The following CDK1 variants were observed in gnomAD, a reference collection of about 807,000 sequenced individuals.
CDK1 encodes cyclin-dependent kinase 1.
Under a neutral mutation model 34.6 loss-of-function variants are expected in CDK1, and 5 were observed. The observed-to-expected ratio is 0.14, with a 90% confidence interval of 0.08 to 0.30. The LOEUF (loss-of-function observed/expected upper bound fraction) is 0.30. Ranked by LOEUF, CDK1 falls within the 10% of genes least tolerant of loss-of-function variation. CDK1 has a pLI of 1.00. For missense variants in CDK1, 157 were observed against 345.7 expected (o/e 0.45, Z 4.33); for synonymous variants, 108 against 114.7 (o/e 0.94, Z 0.37).
chr10:60,784,665 G>T (rs1206782278), intron 2 of CDK1, 40 bp from the exon 3 acceptor site: 1 of 1,491,688 alleles, frequency 6.7e-7, no homozygotes, highest in African/African-American at 1.4e-5. Context: ...TCTTTAGTTT[G>T]TGGGGTGTGT....
intron 4 of CDK1, chr10:60,787,042 G>A (rs1360880050): frequency 8.3e-5 from 82 of 984,070 alleles, no homozygotes; most frequent in Non-Finnish European, 9.5e-5. Flanking sequence ...TTAAAAACTG[G>A]GATACAGATT....
At chr10:60,782,014 A>G (rs1254276704) in intron 2 of CDK1, among the ~76,000 whole-genome samples, 1 of 152,162 alleles carries the variant, frequency 6.6e-6, no homozygotes, top group Admixed American at 6.5e-5. Context: ...TGTGCTGGAT[A>G]TTGTTTTGGA....
At chr10:60,790,203 T>G (rs2132073661) in intron 5 of CDK1, among the ~76,000 whole-genome samples, 1 of 152,320 alleles carries the variant, frequency 6.6e-6, no homozygotes, top group East Asian at 1.9e-4. Context: ...ATTCTGTTTC[T>G]TTTGCTGTGC....
intron 2 of CDK1, among the ~76,000 whole-genome samples, chr10:60,781,774 A>G (rs953335087): frequency 6.6e-6 from 1 of 152,116 alleles, no homozygotes; most frequent in Admixed American, 6.5e-5. Context: ...CTCTAGTCCA[A>G]GAGCATTTTG....
chr10:60,786,644 C>A (rs934854609), intron 4 of CDK1: 4 of 168,146 alleles, frequency 2.4e-5, no homozygotes, highest in Non-Finnish European at 3.6e-5. Context: ...GCCGGTTGCC[C>A]CCTAAAAAAC....
intron 7 of CDK1, 125 bp downstream of exon 7, chr10:60,792,414 T>G (rs576730722): frequency 8.7e-5 from 63 of 724,640 alleles, no homozygotes; most frequent in Non-Finnish European, 1.3e-4. Flanking sequence ...TTATGTACAT[T>G]GTATTATACT....
chr10:60,789,738 A>G (rs1343431406), intron 5 of CDK1, among the ~76,000 whole-genome samples: 1 of 152,128 alleles, frequency 6.6e-6, no homozygotes, highest in Non-Finnish European at 1.5e-5. Flanking sequence ...GACATAATTG[A>G]TTTTATTTAT....
intron 2 of CDK1, among the ~76,000 whole-genome samples, chr10:60,781,032 G>T (rs900854449): frequency 8.6e-5 from 13 of 150,400 alleles, no homozygotes; most frequent in Admixed American, 8.0e-4. Context: ...GATTGGAGGT[G>T]TGTGTGTGTA....
chr10:60,781,068 T>A (rs928190882), intron 2 of CDK1, among the ~76,000 whole-genome samples: 11 of 140,012 alleles, frequency 7.9e-5, no homozygotes, highest in African/African-American at 1.3e-4. Context: ...ATTTTTTTTT[T>A]AAATCACTTA....
intron 7 of CDK1, among the ~76,000 whole-genome samples, chr10:60,793,385 A>T (rs965474528): frequency 5.9e-5 from 9 of 152,032 alleles, no homozygotes; most frequent in Non-Finnish European, 1.0e-4. Flanking sequence ...CTAACATACT[A>T]AGTTGTGTGA....
rs189255717 is a variant in CDK1 at position 60,792,042 on chromosome 10, C to T, written c.642C>T (p.Phe214=). 3.1e-4 allele frequency: 496 copies of T among 1,600,236 alleles called. 7 individuals are homozygous for T. The Admixed American group carries it at 8.2e-3, about 27-fold the overall frequency. The change falls in exon 6 of 8, where the codon TTC becomes TTT. Residue 214 remains phenylalanine (F), a synonymous_variant. Coordinates refer to ENST00000395284, the MANE Select transcript of CDK1 (RefSeq NM_001786.5). ...GGGATTCAGAAATTGATCAACTCTT[C>T]AGGATTTTCAGGTAGCTATTAAAAA... The part of the protein sequence containing the change: ...FHGDSEIDQL[F]RIFRALGTPN...
At chr10:60,779,433 T>C (rs3213025) in intron 1 of CDK1, among the ~76,000 whole-genome samples, 16,700 of 152,188 alleles carry the variant, frequency 0.11, 1,230 homozygotes, top group Non-Finnish European at 0.16. Flanking sequence ...ACCGTTTTTC[T>C]GCTTAGTCCT....
chr10:60,789,158 TGG>T (rs1159143313), intron 5 of CDK1, among the ~76,000 whole-genome samples: 10 of 152,202 alleles, frequency 6.6e-5, no homozygotes, highest in Admixed American at 5.2e-4. Flanking sequence ...GTGTGGTATT[TGG>T]ATACATGTAT....
In CDK1 at chr10:60,785,758, G is replaced by T; in HGVS notation, c.289G>T (p.Gly97Cys). The T allele has an allele frequency of 1.2e-6, 2 of 1,604,502 alleles. No homozygotes were observed. Among genetic ancestry groups the T allele is most frequent in the African/African-American group, 1.3e-5 (1 of 74,768 alleles). Residue 97 changes from glycine (G) to cysteine (C), a missense_variant, in exon 4 of 8, where the codon GGT (glycine) becomes TGT (cysteine). Physicochemically the swap from Gly to Cys is radical, Grantham distance 159. Transcript: ENST00000395284. ...GAAATACTTGGATTCTATCCCTCCT[G>T]GTCAGTACATGGATTCTTCACTTGT... ...LKKYLDSIPP[G>C]QYMDSSLVKS...
chr10:60,788,690 T>A (rs1402176432), intron 5 of CDK1, among the ~76,000 whole-genome samples: 7 of 152,116 alleles, frequency 4.6e-5, no homozygotes, highest in Non-Finnish European at 1.0e-4. Flanking sequence ...TTATTTCTGA[T>A]ACATTTAGGA....
At chr10:60,791,366 AC>A (rs2080358576) in intron 5 of CDK1, among the ~76,000 whole-genome samples, 1 of 152,056 alleles carries the variant, frequency 6.6e-6, no homozygotes, top group African/African-American at 2.4e-5. Flanking sequence ...GATTTTGTAT[AC>A]TGCAACTTTG....
rs149161475 is a variant in CDK1, at chr10:60,788,324, A to C, written c.489+94A>C. 396 of 911,536 alleles carry C rather than the reference A, an allele frequency of 4.3e-4. 1 individual carries two copies. The African/African-American group carries it at 5.8e-3, about 13-fold the overall frequency. 56.5% of individuals were successfully genotyped at this position (911,536 alleles called of 1,614,324 possible). A position where few individuals can be genotyped will look rare whatever the true frequency, so the allele number is the denominator to read the frequency against. On this transcript the variant is annotated intron_variant, in intron 5 of 7. Transcript: ENST00000395284. The stretch of plus-strand genomic sequence containing the variant: ...GAAAGTCAAGAAATAACTCAATAAA[A>C]GATATCTACTCTGTGGCAGTATCAA...
intron 2 of CDK1, among the ~76,000 whole-genome samples, chr10:60,784,171 A>T (rs1162161869): frequency 1.3e-5 from 2 of 152,232 alleles, no homozygotes; most frequent in Non-Finnish European, 2.9e-5. Flanking sequence ...ATTTAGATGT[A>T]TAGAAAACTT....
intron 2 of CDK1, among the ~76,000 whole-genome samples, chr10:60,782,533 A>G (rs569625467): frequency 6.4e-4 from 98 of 152,168 alleles, no homozygotes; most frequent in Non-Finnish European, 1.1e-3. Flanking sequence ...TGATGGTGGA[A>G]CCTTGCCTGG....
Sources: gnomAD v4.1 joint callset for allele counts (sites outside exome capture counted in the v4.1 genomes callset) on GRCh38, gnomAD v4.1.1 for gene constraint, MANE v1.5 for transcripts, NCBI Gene and HGNC (gene_info 2026-07-23, HGNC 2026-07-21) for gene names.